Variants in ABLIM3 observed in about 807,000 individuals in gnomAD.
ABLIM3 encodes the protein actin-binding LIM protein 3.
ABLIM3 carries 61 observed loss-of-function variants against 109.5 expected under a neutral mutation model. The observed-to-expected ratio is 0.56, with a 90% confidence interval of 0.45 to 0.69. The LOEUF (loss-of-function observed/expected upper bound fraction) is 0.69, where lower values mean the gene tolerates loss of function less well. ABLIM3 is among the 30% of genes least tolerant of loss of function. The probability of loss-of-function intolerance (pLI) is 0.00; values close to 1 mark genes in which losing one functional copy is unlikely to be tolerated. For missense variants in ABLIM3, 796 were observed against 889.5 expected (o/e 0.89, Z 1.34); for synonymous variants, 300 against 324.8 (o/e 0.92, Z 0.82).
intron 7 of ABLIM3, among the ~76,000 whole-genome samples, chr5:149,214,650 C>G (rs1467802321): frequency 1.3e-5 from 2 of 152,156 alleles, no homozygotes; most frequent in African/African-American, 4.8e-5. Context: ...CAACAGTCGC[C>G]CAAGCACATC....
intron 3 of ABLIM3, among the ~76,000 whole-genome samples, chr5:149,184,971 A>G (rs924260988): frequency 7.2e-5 from 11 of 152,212 alleles, no homozygotes; most frequent in African/African-American, 2.4e-4. Flanking sequence ...CCCCTTTAGT[A>G]TAAGTTGAAT....
At chr5:149,250,864 C>T (rs191245489) in intron 20 of ABLIM3, among the ~76,000 whole-genome samples, 199 of 152,274 alleles carry the variant, frequency 1.3e-3, no homozygotes, top group African/African-American at 4.8e-3. Flanking sequence ...GGTGACTTAC[C>T]CCCACTCTTC....
chr5:149,183,228 C>T (rs918199653), intron 2 of ABLIM3, among the ~76,000 whole-genome samples: 3 of 152,206 alleles, frequency 2.0e-5, no homozygotes, highest in African/African-American at 7.2e-5. Context: ...AAAGGTGATG[C>T]TCACTCAAAA....
intron 1 of ABLIM3, 82 bp downstream of exon 1, chr5:149,141,736 C>A: frequency 3.5e-6 from 1 of 288,372 alleles, no homozygotes; most frequent in East Asian, 7.4e-5. Flanking sequence ...GGTCCACACC[C>A]CCTTTGGGCT....
chr5:149,203,395 GCAATCAGATGCAGTAGCAGCA>G (rs78807843), intron 5 of ABLIM3, among the ~76,000 whole-genome samples: 31,926 of 151,850 alleles, frequency 0.21, 4,285 homozygotes, highest in Non-Finnish European at 0.3. Context: ...CTCATTGAGA[GCAATCAGATGCAGTAGCAGCA>G]GTACCACTGC....
intron 14 of ABLIM3, among the ~76,000 whole-genome samples, chr5:149,241,001 C>T (rs1012734830): frequency 6.6e-6 from 1 of 152,194 alleles, no homozygotes; most frequent in Admixed American, 6.5e-5. Context: ...AGAAGCAGTC[C>T]CGGGAAGAAA....
intron 23 of ABLIM3, among the ~76,000 whole-genome samples, chr5:149,253,511 A>G (rs1251470227): frequency 6.6e-6 from 1 of 152,228 alleles, no homozygotes; most frequent in Non-Finnish European, 1.5e-5. Flanking sequence ...GAGTCTGGCA[A>G]CATATTGAGT....
chr5:149,252,313 A>C (rs1754010778), intron 22 of ABLIM3, 105 bp downstream of exon 22: 1 of 1,344,760 alleles, frequency 7.4e-7, no homozygotes, highest in Admixed American at 2.4e-5. Context: ...AAGGGAACAT[A>C]GATAAATAAC....
intron 19 of ABLIM3, 58 bp from the exon 20 acceptor site, chr5:149,250,389 A>G (rs1753803115): frequency 6.4e-7 from 1 of 1,572,392 alleles, no homozygotes; most frequent in Admixed American, 1.7e-5. Flanking sequence ...AGATGACCTC[A>G]GGGAGAGGGA....
At chr5:149,167,082 G>T (rs1561545475) in intron 2 of ABLIM3, among the ~76,000 whole-genome samples, 1 of 152,182 alleles carries the variant, frequency 6.6e-6, no homozygotes, top group Non-Finnish European at 1.5e-5. Context: ...AAGGTGTTAT[G>T]TCTGTAGCAT....
At chr5:149,209,519 T>C (rs1036417068) in intron 6 of ABLIM3, among the ~76,000 whole-genome samples, 26 of 152,344 alleles carry the variant, frequency 1.7e-4, no homozygotes, top group African/African-American at 6.0e-4. Context: ...GCCCAGTAAA[T>C]ACTCATTTTA....
At chr5:149,256,864 AT>A (rs1754475242) in intron 23 of ABLIM3, among the ~76,000 whole-genome samples, 1 of 152,184 alleles carries the variant, frequency 6.6e-6, no homozygotes, top group Admixed American at 6.5e-5. Flanking sequence ...TTACTTATGA[AT>A]TTTTTTAATG....
chr5:149,160,457 G>A (rs778428949), intron 2 of ABLIM3, among the ~76,000 whole-genome samples: 4 of 92,104 alleles, frequency 4.3e-5, no homozygotes, highest in East Asian at 2.7e-4. Context: ...GTGAGACTCC[G>A]TCTCAAAAAA....
At chr5:149,248,071 G>A in intron 18 of ABLIM3, 142 bp downstream of exon 18, 2 of 1,090,852 alleles carry the variant, frequency 1.8e-6, no homozygotes, top group East Asian at 2.6e-5. Context: ...GCAGCCCTGT[G>A]GTGGGTGACT....
intron 5 of ABLIM3, among the ~76,000 whole-genome samples, chr5:149,203,600 C>T (rs1009756624): frequency 6.6e-6 from 1 of 152,106 alleles, no homozygotes; most frequent in Non-Finnish European, 1.5e-5. Context: ...CCATCAATAC[C>T]ATTGTCACCA....
At chr5:149,161,859 T>C (rs1054252068) in intron 2 of ABLIM3, among the ~76,000 whole-genome samples, 1 of 151,894 alleles carries the variant, frequency 6.6e-6, no homozygotes. Flanking sequence ...TAGAAAGGGG[T>C]CTACTTTGTG....
chr5:149,160,667 C>T (rs1364679515), intron 2 of ABLIM3, among the ~76,000 whole-genome samples: 1 of 152,104 alleles, frequency 6.6e-6, no homozygotes, highest in Non-Finnish European at 1.5e-5. Flanking sequence ...TGTGCTCACT[C>T]AGGAAAAGCT....
chr5:149,186,795 G>C (rs941757261), intron 3 of ABLIM3, among the ~76,000 whole-genome samples: 2 of 151,610 alleles, frequency 1.3e-5, no homozygotes, highest in African/African-American at 2.4e-5. Flanking sequence ...GAAATTTCCT[G>C]TCATTACATA....
intron 3 of ABLIM3, among the ~76,000 whole-genome samples, chr5:149,195,957 T>G (rs1313445330): frequency 6.6e-6 from 1 of 152,224 alleles, no homozygotes; most frequent in Non-Finnish European, 1.5e-5. Flanking sequence ...AAGCTTTTCT[T>G]CTCATAGACT....
Sources: gnomAD v4.1 joint callset for allele counts (sites outside exome capture counted in the v4.1 genomes callset) on GRCh38, gnomAD v4.1.1 for gene constraint, MANE v1.5 for transcripts, NCBI Gene and HGNC (gene_info 2026-07-23, HGNC 2026-07-21) for gene names.